ITGAV: variants seen among roughly 807,000 people sequenced by gnomAD.
The protein encoded by ITGAV is integrin alpha-V.
Under a neutral mutation model 143.8 loss-of-function variants are expected in ITGAV, and 76 were observed. The ratio of observed to expected loss-of-function variants is 0.53; its 90% CI spans 0.44 to 0.64. The LOEUF (loss-of-function observed/expected upper bound fraction) is 0.64, where lower values mean the gene tolerates loss of function less well. ITGAV is among the 30% of genes least tolerant of loss of function. The pLI is 0.00. For missense variants in ITGAV, 1,193 were observed against 1,274.7 expected (o/e 0.94, Z 0.98); for synonymous variants, 453 against 446.7 (o/e 1.01, Z -0.18).
chr2:186,590,073 G>A lies in ITGAV; in HGVS notation c.-266G>A. ...ACCCCGGCAGTCCCCAGCCTCAGAC[G>A]CTGCGTGGAGCGGCGGAGCCGGAGG... On this transcript the variant is annotated 5_prime_UTR_variant, in exon 1 of 30. Coordinates refer to ENST00000261023, the MANE Select transcript of ITGAV (RefSeq NM_002210.5). 1 of 377,024 alleles carries A rather than the reference G, an allele frequency of 2.7e-6. No individual in the cohort carries two copies. The highest frequency in any genetic ancestry group is 4.7e-6 in the Non-Finnish European group (1 of 214,398). The allele number at this position is 377,024 out of a possible 1,614,324, so 23.4% of individuals were successfully genotyped here.
intron 2 of ITGAV, among the ~76,000 whole-genome samples, chr2:186,608,941 A>C (rs753022993): frequency 6.6e-6 from 1 of 152,174 alleles, no homozygotes; most frequent in Non-Finnish European, 1.5e-5. Context: ...GCTATTGCTG[A>C]ATGTGGAGTA....
intron 25 of ITGAV, among the ~76,000 whole-genome samples, chr2:186,669,198 G>A (rs372332057): frequency 2.5e-4 from 38 of 152,250 alleles, no homozygotes; most frequent in African/African-American, 8.4e-4. Context: ...GCTCCATCAC[G>A]TTGTTGTTTC....
chr2:186,629,044 A>T (rs971423322), intron 4 of ITGAV, among the ~76,000 whole-genome samples: 2 of 152,104 alleles, frequency 1.3e-5, no homozygotes, highest in Admixed American at 6.6e-5. Context: ...GTCATGTAAA[A>T]TGCTTTAGCA....
intron 20 of ITGAV, 122 bp downstream of exon 20, chr2:186,664,763 C>T: frequency 8.8e-7 from 1 of 1,134,922 alleles, no homozygotes; most frequent in South Asian, 1.4e-5. Flanking sequence ...AATTGATAGA[C>T]AATGGAGTGC....
rs1424844364 is a variant in ITGAV at position 186,622,416 on chromosome 2, C to G, written c.394C>G (p.Gln132Glu). The G allele has an allele frequency of 6.2e-7, 1 of 1,611,984 alleles. No homozygotes were observed. Among genetic ancestry groups the G allele is most frequent in the African/African-American group, 1.3e-5 (1 of 74,968 alleles). ...GTTTGGAGCATCTGTGAGGTCGAAA[C>G]AGGATAAAATTTTGGTGAGTCTTCT... is the stretch of plus-strand genomic sequence containing the variant. ...QWFGASVRSK[Q>E]DKILACAPLY... is the part of the protein sequence containing the mutation. Residue 132 changes from glutamine to glutamate, a missense_variant, in exon 3 of 30, where the codon CAG becomes GAG. Coordinates refer to ENST00000261023, the MANE Select transcript of ITGAV (RefSeq NM_002210.5).
chr2:186,677,177 G>C lies in ITGAV; in HGVS notation c.3052-20G>C. 1.2e-6 allele frequency: 2 copies of C among 1,604,762 alleles called. No individual in the cohort carries two copies. Among genetic ancestry groups the C allele is most frequent in the East Asian group, 2.2e-5 (1 of 44,758 alleles). On this transcript the variant is annotated intron_variant, in intron 29 of 29. Transcript: ENST00000261023. Reference sequence around the variant, plus strand: ...TCTACACTGATGTGACAGTAATAATGGTTTTTCTTCAACTGACAGATGGGC... The same window carrying C: ...TCTACACTGATGTGACAGTAATAATCGTTTTTCTTCAACTGACAGATGGGC...
At position 186,638,668 on chromosome 2, in the gene ITGAV, GTGTA is replaced by G. The variant is rs1268103627; in HGVS notation, c.903+204_903+207del. 2.7e-3 allele frequency among the ~76,000 whole-genome samples: 386 copies of G among 142,852 alleles called. 1 individual carries two copies. Among genetic ancestry groups the G allele is most frequent in the African/African-American group, 8.8e-3 (341 of 38,810 alleles). The allele number at this position is 142,852 out of a possible 152,430, so 93.7% of individuals were successfully genotyped here. On this transcript the variant is annotated intron_variant, in intron 10 of 29. Coordinates refer to ENST00000261023, the MANE Select transcript of ITGAV (RefSeq NM_002210.5). ...TGTGTGTGTGTGTGTGTGTGTGTGT[GTGTA>G]GTATATAAACAAAAATTGGTTTACT... is the stretch of plus-strand genomic sequence containing the variant.
At chr2:186,636,962 TA>T in intron 7 of ITGAV, 102 bp from the exon 8 acceptor site, 1 of 903,652 alleles carries the variant, frequency 1.1e-6, no homozygotes, top group South Asian at 1.4e-5. Context: ...ATTGCATAAG[TA>T]AAGGAGTTTC....
chr2:186,615,372 A>G (rs920802274), intron 2 of ITGAV, among the ~76,000 whole-genome samples: 6 of 152,160 alleles, frequency 3.9e-5, no homozygotes, highest in African/African-American at 1.4e-4. Flanking sequence ...TTTTTTAAAA[A>G]CTGTCAAACT....
At chr2:186,670,615 T>C (rs1689038646) in intron 26 of ITGAV, among the ~76,000 whole-genome samples, 1 of 152,196 alleles carries the variant, frequency 6.6e-6, no homozygotes, top group Admixed American at 6.5e-5. Context: ...TTATGTTCAA[T>C]AGTGATCACT....
chr2:186,620,254 GA>G (rs1687484608), intron 2 of ITGAV, among the ~76,000 whole-genome samples: 1 of 152,098 alleles, frequency 6.6e-6, no homozygotes, highest in Non-Finnish European at 1.5e-5. Context: ...TTGTGTTAGA[GA>G]AATGTTCCCA....
chr2:186,623,733 A>G (rs541117166), intron 3 of ITGAV, among the ~76,000 whole-genome samples: 4 of 152,290 alleles, frequency 2.6e-5, no homozygotes, highest in African/African-American at 7.2e-5. Context: ...ATTATTATAT[A>G]TATTTCCCAA....
chr2:186,641,677 A>T, intron 12 of ITGAV, 89 bp downstream of exon 12: 1 of 996,346 alleles, frequency 1.0e-6, no homozygotes. Flanking sequence ...AGTCTACACG[A>T]GCAAATCTCC....
intron 2 of ITGAV, among the ~76,000 whole-genome samples, chr2:186,603,812 G>A (rs924454097): frequency 6.6e-6 from 1 of 151,836 alleles, no homozygotes; most frequent in African/African-American, 2.4e-5. Context: ...GAGTCTCAAA[G>A]GGTGTACAAT....
At chr2:186,646,661 C>T (rs994623881) in intron 12 of ITGAV, 25 bp from the exon 13 acceptor site, 31 of 1,539,074 alleles carry the variant, frequency 2.0e-5, no homozygotes, top group Non-Finnish European at 2.7e-5. Context: ...CATTCTCCTT[C>T]CCCCTCCTCT....
At chr2:186,618,462 A>G (rs1687429396) in intron 2 of ITGAV, among the ~76,000 whole-genome samples, 1 of 152,218 alleles carries the variant, frequency 6.6e-6, no homozygotes, top group African/African-American at 2.4e-5. Context: ...GATGTCCACA[A>G]AGACAGATAT....
At chr2:186,609,631 T>C (rs1257624105) in intron 2 of ITGAV, among the ~76,000 whole-genome samples, 1 of 152,138 alleles carries the variant, frequency 6.6e-6, no homozygotes, top group Non-Finnish European at 1.5e-5. Flanking sequence ...CTGGGGACTT[T>C]GAAGAAGGCT....
chr2:186,637,123 G>T lies in ITGAV; in HGVS notation c.802+14G>T. ...ATGGCATAGATGGTATGAAGTACTTGAACTATATCTAATCTTTAAAAAAAT... is the reference window on the plus strand; with the variant it reads ...ATGGCATAGATGGTATGAAGTACTTTAACTATATCTAATCTTTAAAAAAAT... On this transcript the variant is annotated intron_variant, in intron 8 of 29. Transcript: ENST00000261023. The T allele has an allele frequency of 6.3e-7, 1 of 1,595,914 alleles. No homozygotes were observed. Among genetic ancestry groups the T allele is most frequent in the East Asian group, 2.2e-5 (1 of 44,770 alleles).
chr2:186,649,845 A>T lies in ITGAV; in HGVS notation c.1357A>T (p.Ile453Phe). 6.3e-7 allele frequency: 1 copy of T among 1,592,746 alleles called. No individual in the cohort carries two copies. Among genetic ancestry groups the T allele is most frequent in the Non-Finnish European group, 8.6e-7 (1 of 1,167,748 alleles). Residue 453 changes from isoleucine to phenylalanine, a missense_variant, in exon 14 of 30, where the codon ATT (isoleucine) becomes TTT (phenylalanine). Ile to Phe is a conservative substitution (Grantham distance 21). Coordinates refer to ENST00000261023, the MANE Select transcript of ITGAV (RefSeq NM_002210.5). ...DIDKNGYPDL[I>F]VGAFGVDRAI... ...TTTTTCCACTCTTTCTTAAGACTTA[A>T]TTGTAGGAGCTTTTGGTGTAGATCG...
Sources: gnomAD v4.1 joint callset for allele counts (sites outside exome capture counted in the v4.1 genomes callset) on GRCh38, gnomAD v4.1.1 for gene constraint, MANE v1.5 for transcripts, NCBI Gene and HGNC (gene_info 2026-07-23, HGNC 2026-07-21) for gene names.